The following TLN2 variants were observed in gnomAD, a reference collection of about 807,000 sequenced individuals.
The protein encoded by TLN2 is talin-2.
In TLN2, 118 loss-of-function variants were observed where a neutral mutation model predicts 294.7. The ratio of observed to expected loss-of-function variants is 0.40; its 90% confidence interval spans 0.34 to 0.47. The LOEUF (loss-of-function observed/expected upper bound fraction) is 0.47. Ranked by LOEUF, TLN2 falls within the 20% of genes least tolerant of loss-of-function variation. TLN2 has a pLI of 0.84. For synonymous variants in TLN2, 1,431 were observed against 1,304.5 expected, an observed-to-expected ratio of 1.10 and a Z score of -2.09; for missense variants, 3,083 against 3,282.2, an observed-to-expected ratio of 0.94 and a Z score of 1.48.
intron 1 of TLN2, among the ~76,000 whole-genome samples, chr15:62,520,233 T>G (rs959289828): frequency 6.6e-6 from 1 of 152,224 alleles, no homozygotes; most frequent in South Asian, 2.1e-4. Flanking sequence ...AAATCAAGTT[T>G]TGAACTAAGA....
intron 1 of TLN2, among the ~76,000 whole-genome samples, chr15:62,532,154 A>G (rs1428613677): frequency 6.6e-6 from 1 of 151,860 alleles, no homozygotes; most frequent in East Asian, 1.9e-4. Context: ...GGCTCAGGCA[A>G]TCCTCCCGTC....
rs530600972 is a variant in TLN2 at position 62,709,982 on chromosome 15, G to T, written c.2467+1186G>T. Reference sequence around the variant, plus strand: ...ACTCCTGACCTCAGGTGATCTGCCCGCCTCAGCCTCCCAAAGTGCTGGGAT... The same window carrying T: ...ACTCCTGACCTCAGGTGATCTGCCCTCCTCAGCCTCCCAAAGTGCTGGGAT... On this transcript the variant is annotated intron_variant, in intron 21 of 58. Coordinates refer to ENST00000636159, the MANE Select transcript of TLN2 (RefSeq NM_015059.3). Among the ~76,000 whole-genome samples the T allele has an allele frequency of 3.3e-5, 5 of 152,218 alleles. 1 individual carries two copies. In the South Asian group the frequency reaches 1.0e-3, roughly 32 times the overall value.
At chr15:62,794,763 C>T (rs1226459964) in intron 46 of TLN2, among the ~76,000 whole-genome samples, 1 of 152,222 alleles carries the variant, frequency 6.6e-6, no homozygotes, top group Non-Finnish European at 1.5e-5. Flanking sequence ...TCCTGCCAGA[C>T]TGTGTCCACA....
chr15:62,711,216 T>A (rs868578829), intron 21 of TLN2, among the ~76,000 whole-genome samples: 14 of 152,348 alleles, frequency 9.2e-5, no homozygotes, highest in African/African-American at 3.1e-4. Context: ...TTTTTAATGT[T>A]GGTTGTTATA....
At chr15:62,568,046 C>T (rs551504438) in intron 1 of TLN2, among the ~76,000 whole-genome samples, 46 of 152,118 alleles carry the variant, frequency 3.0e-4, no homozygotes, top group Non-Finnish European at 5.7e-4. Flanking sequence ...TCTGAGCCCA[C>T]GACCACAGAT....
At chr15:62,795,526 G>A (rs1188160922) in intron 46 of TLN2, among the ~76,000 whole-genome samples, 2 of 152,098 alleles carry the variant, frequency 1.3e-5, no homozygotes, top group African/African-American at 4.8e-5. Flanking sequence ...ATGATGGTTC[G>A]GGGGTGGATG....
chr15:62,690,786 G>A (rs1305824879), intron 12 of TLN2, among the ~76,000 whole-genome samples: 31 of 150,984 alleles, frequency 2.1e-4, no homozygotes, highest in African/African-American at 5.9e-4. Flanking sequence ...CGAGGCTGGC[G>A]GATCACTCGC....
intron 1 of TLN2, among the ~76,000 whole-genome samples, chr15:62,433,950 C>CT (rs2035155832): frequency 6.6e-6 from 1 of 152,172 alleles, no homozygotes; most frequent in Admixed American, 6.5e-5. Flanking sequence ...GATCACGCCA[C>CT]TGCACTCCAG....
rs1362899350 is a variant in TLN2 at position 62,468,758 on chromosome 15, A to AAT, written c.-238+78074_-238+78075insTA. ...AGACTCTGTCTCAAAAAAAAAATAA[A>AAT]AATAAAAAAAATACAAAAATAAAAA... is the stretch of plus-strand genomic sequence containing the variant. On this transcript the variant is annotated intron_variant, in intron 1 of 58. Coordinates refer to ENST00000636159, the MANE Select transcript of TLN2 (RefSeq NM_015059.3). Among the ~76,000 whole-genome samples, 12 of 91,610 alleles carry AAT rather than the reference A, an allele frequency of 1.3e-4. 1 individual carries two copies. The South Asian group carries it at 1.9e-3, about 14-fold the overall frequency. 60.1% of individuals were successfully genotyped at this position (91,610 alleles called of 152,430 possible). A position where few individuals can be genotyped will look rare whatever the true frequency, so the allele number is the denominator to read the frequency against.
intron 11 of TLN2, among the ~76,000 whole-genome samples, chr15:62,684,335 G>A (rs1225961800): frequency 1.3e-5 from 2 of 152,200 alleles, no homozygotes; most frequent in African/African-American, 2.4e-5. Context: ...TGCCAACCCT[G>A]TGTGACTAAA....
intron 1 of TLN2, among the ~76,000 whole-genome samples, chr15:62,534,171 A>G (rs953871699): frequency 5.3e-5 from 8 of 152,014 alleles, no homozygotes; most frequent in East Asian, 1.9e-4. Flanking sequence ...CTCACCAAGC[A>G]ATTCTCCAGG....
Position 62,725,193 on chromosome 15 carries a change from C to A in TLN2, c.3255+89C>A, listed in dbSNP as rs142628457. The A allele has an allele frequency of 3.6e-4, 543 of 1,489,586 alleles. No homozygotes were observed. In the African/African-American group the frequency reaches 6.4e-3, roughly 18 times the overall value. 92.3% of individuals were successfully genotyped at this position (1,489,586 alleles called of 1,614,324 possible). A position where few individuals can be genotyped will look rare whatever the true frequency, so the allele number is the denominator to read the frequency against. On this transcript the variant is annotated intron_variant, in intron 27 of 58. Coordinates refer to ENST00000636159, the MANE Select transcript of TLN2 (RefSeq NM_015059.3). ...GTTGTTAGGGTGTTTGCTAAAGTTG[C>A]GGCATGTTGAGAAGCTTCTAATCCT...
rs2043878180 is a variant in TLN2, at chr15:62,571,757, C to T, written c.-237-17930C>T. ...CGATTATTTTGAAATAAATCCTCAA[C>T]ATCACATCATTTCATCTGTACATAT... On this transcript the variant is annotated intron_variant, in intron 1 of 58. Coordinates refer to ENST00000636159, the MANE Select transcript of TLN2 (RefSeq NM_015059.3). 2.0e-5 allele frequency among the ~76,000 whole-genome samples: 3 copies of T among 152,326 alleles called. No homozygotes were observed. The South Asian group carries it at 6.2e-4, about 32-fold the overall frequency.
intron 1 of TLN2, among the ~76,000 whole-genome samples, chr15:62,572,286 G>C (rs2043941308): frequency 6.6e-6 from 1 of 151,838 alleles, no homozygotes. Flanking sequence ...TGTTACCCAG[G>C]CTGGAGTGCA....
At chr15:62,395,875 G>C (rs956323371) in intron 1 of TLN2, among the ~76,000 whole-genome samples, 1 of 151,670 alleles carries the variant, frequency 6.6e-6, no homozygotes, top group Non-Finnish European at 1.5e-5. Flanking sequence ...TGTCTCAGTC[G>C]CACAGACTGG....
At position 62,391,335 on chromosome 15, in the gene TLN2, A is replaced by ACGGGGGCAGTGCCGGGCCGAGAG. The variant is rs554436031; in HGVS notation, c.-238+656_-238+678dup. Among the ~76,000 whole-genome samples the ACGGGGGCAGTGCCGGGCCGAGAG allele has an allele frequency of 2.8e-4, 42 of 152,314 alleles. 1 individual carries two copies. The East Asian group carries it at 7.6e-3, about 27-fold the overall frequency. ...CGGGCGAACTGCTGGCCGCTGAGCGACGGGGGCAGTGCCGGGCCGAGAGCG... is the reference window on the plus strand; with the variant it reads ...CGGGCGAACTGCTGGCCGCTGAGCGACGGGGGCAGTGCCGGGCCGAGAGCGGGGGCAGTGCCGGGCCGAGAGCG... On this transcript the variant is annotated intron_variant, in intron 1 of 58. Coordinates refer to ENST00000636159, the MANE Select transcript of TLN2 (RefSeq NM_015059.3).
intron 1 of TLN2, among the ~76,000 whole-genome samples, chr15:62,410,009 C>G (rs552393206): frequency 6.6e-6 from 1 of 152,078 alleles, no homozygotes; most frequent in East Asian, 1.9e-4. Flanking sequence ...TTTGGGAGGC[C>G]GAGGCGGGTG....
At chr15:62,664,229 GA>G (rs66500232) in intron 9 of TLN2, among the ~76,000 whole-genome samples, 142,803 of 150,796 alleles carry the variant, frequency 0.95, 68,078 homozygotes, top group Non-Finnish European at 1. Flanking sequence ...TATTAAAAAA[GA>G]AAAAAAAAAT....
At chr15:62,647,927 G>A (rs1338533173) in intron 4 of TLN2, among the ~76,000 whole-genome samples, 1 of 151,942 alleles carries the variant, frequency 6.6e-6, no homozygotes, top group Non-Finnish European at 1.5e-5. Context: ...TATATGTTTT[G>A]TTTGAAGTTT....
Sources: allele counts gnomAD v4.1 joint callset (sites outside exome capture counted in the v4.1 genomes callset), GRCh38; gene constraint gnomAD v4.1.1; transcripts MANE v1.5; gene names NCBI Gene and HGNC (gene_info 2026-07-23, HGNC 2026-07-21).